The following IGFL2 variants were observed in gnomAD, a reference collection of about 807,000 sequenced individuals.
IGFL2 encodes the protein IGF like family member 2.
In IGFL2, 7 loss-of-function variants were observed where a neutral mutation model predicts 13.9. That is an observed-to-expected ratio of 0.51 (90% confidence interval 0.29 to 0.95). The LOEUF (loss-of-function observed/expected upper bound fraction) is 0.95, where lower values mean the gene tolerates loss of function less well. Ranked by LOEUF, IGFL2 falls within the 40% of genes least tolerant of loss-of-function variation. The pLI, the probability that IGFL2 is intolerant of heterozygous loss-of-function variation, is 0.08. For missense variants in IGFL2, 138 were observed against 147.8 expected (o/e 0.93, Z 0.34); for synonymous variants, 55 against 55.8 (o/e 0.99, Z 0.07).
At chr19:46,160,343 C>T in intron 1 of IGFL2, 72 bp from the exon 2 acceptor site, 20 of 1,407,156 alleles carry the variant, frequency 1.4e-5, no homozygotes, top group Non-Finnish European at 2.0e-5. Flanking sequence ...CCACCCTGGC[C>T]TGCCCTCCCT....
chr19:46,092,343 T>TG, the IGFL2 span, among the ~76,000 whole-genome samples: 7 of 152,002 alleles, frequency 4.6e-5, no homozygotes, highest in African/African-American at 1.7e-4. Flanking sequence ...AAAATTTTTT[T>TG]TTTTTGGCCA....
chr19:46,113,449 T>C, the IGFL2 span: 1 of 391,008 alleles, frequency 2.6e-6, no homozygotes, highest in Non-Finnish European at 5.2e-6. Flanking sequence ...TCCACGTAGA[T>C]ATCCAGGATT....
chr19:46,086,050 C>T, the IGFL2 span, among the ~76,000 whole-genome samples: 1 of 151,960 alleles, frequency 6.6e-6, no homozygotes, highest in South Asian at 2.1e-4. Flanking sequence ...CTTCAAAAGA[C>T]CCATCTTTAA....
chr19:46,176,929 A>G, the IGFL2 span, among the ~76,000 whole-genome samples: 1 of 152,200 alleles, frequency 6.6e-6, no homozygotes. Context: ...TCTATTGCCC[A>G]GTTGGGAGAA....
chr19:46,170,766 C>T, the IGFL2 span, among the ~76,000 whole-genome samples: 1 of 152,166 alleles, frequency 6.6e-6, no homozygotes, highest in African/African-American at 2.4e-5. Context: ...CTCTGGCCTC[C>T]TGCAGCACCC....
the IGFL2 span, among the ~76,000 whole-genome samples, chr19:46,211,185 A>G: frequency 2.0e-5 from 3 of 152,276 alleles, no homozygotes; most frequent in East Asian, 3.9e-4. Flanking sequence ...AGCCTCTCCT[A>G]TGACATGGAG....
chr19:46,193,810 A>G, the IGFL2 span, among the ~76,000 whole-genome samples: 2,562 of 152,258 alleles, frequency 0.017, 74 homozygotes, highest in African/African-American at 0.056. Context: ...TCCAGCAGAC[A>G]CCGCTCTCGG....
chr19:46,179,419 G>C, the IGFL2 span: 1 of 154,208 alleles, frequency 6.5e-6, no homozygotes, highest in African/African-American at 2.4e-5. Context: ...GTCTGTGAGA[G>C]GCAGGGGTTT....
chr19:46,180,180 CTTTTTT>C, the IGFL2 span, among the ~76,000 whole-genome samples: 1 of 141,218 alleles, frequency 7.1e-6, no homozygotes, highest in Non-Finnish European at 1.5e-5. Flanking sequence ...TGATATTTTT[CTTTTTT>C]TTTTTTTTCT....
At chr19:46,132,442 C>T in the IGFL2 span, among the ~76,000 whole-genome samples, 17 of 152,210 alleles carry the variant, frequency 1.1e-4, no homozygotes, top group Non-Finnish European at 2.1e-4. Context: ...TTTGGTTCCA[C>T]GTGCTGTCAG....
At chr19:46,190,885 CAGA>C in the IGFL2 span, among the ~76,000 whole-genome samples, 2 of 152,172 alleles carry the variant, frequency 1.3e-5, no homozygotes. Flanking sequence ...CCCTCGCCCT[CAGA>C]AGAAGGGTTG....
chr19:46,187,291 A>G, the IGFL2 span, among the ~76,000 whole-genome samples: 19 of 129,814 alleles, frequency 1.5e-4, no homozygotes, highest in African/African-American at 5.4e-4. Flanking sequence ...GCATTTACCC[A>G]TTTATACCTG....
At chr19:46,079,405 C>G in the IGFL2 span, among the ~76,000 whole-genome samples, 2 of 152,200 alleles carry the variant, frequency 1.3e-5, no homozygotes, top group African/African-American at 4.8e-5. Context: ...CTCAGCGAGT[C>G]GTGCGTACCA....
chr19:46,096,289 A>G, the IGFL2 span, among the ~76,000 whole-genome samples: 3 of 152,008 alleles, frequency 2.0e-5, no homozygotes, highest in African/African-American at 7.2e-5. Context: ...GCAATTGTGA[A>G]TGGGAGTTCA....
the IGFL2 span, chr19:46,212,737 C>CTCTCTCTCTCTCTCT: frequency 6.8e-6 from 1 of 147,710 alleles, no homozygotes; most frequent in African/African-American, 2.5e-5. Flanking sequence ...CTCTCTCTCT[C>CTCTCTCTCTCTCTCT]CTCTCACTGT....
chr19:46,153,839 A>ATT (rs1555744721), intron 1 of IGFL2, among the ~76,000 whole-genome samples: 2,003 of 139,290 alleles, frequency 0.014, 26 homozygotes, highest in African/African-American at 0.023. Context: ...ATATATATAT[A>ATT]TTTTTTTTAC....
At chr19:46,166,594 T>C in the IGFL2 span, among the ~76,000 whole-genome samples, 1 of 152,196 alleles carries the variant, frequency 6.6e-6, no homozygotes, top group Non-Finnish European at 1.5e-5. Flanking sequence ...GGGAATTTCC[T>C]CTTCCTAATA....
chr19:46,122,236 G>C, the IGFL2 span, among the ~76,000 whole-genome samples: 1 of 151,002 alleles, frequency 6.6e-6, no homozygotes, highest in Non-Finnish European at 1.5e-5. Context: ...AGATCAGGCA[G>C]GCTATATATA....
chr19:46,160,440 C>G lies in IGFL2; in HGVS notation c.45C>G (p.Leu15=), dbSNP rs373029871. ...CTCCTGCTTATGTGTCAGTCTGTCT[C>G]CTCCTCTTGTGTCCAAGGGAAGTCA... The part of the protein sequence containing the change: ...IFAPAYVSVC[L]LLLCPREVIA... Residue 15 remains leucine, a synonymous_variant, in exon 2 of 4, where the codon CTC becomes CTG. Coordinates refer to ENST00000377693, the MANE Select transcript of IGFL2 (RefSeq NM_001135113.2). 1 of 1,613,790 alleles carries G rather than the reference C, an allele frequency of 6.2e-7. No homozygotes were observed. Among genetic ancestry groups the G allele is most frequent in the African/African-American group, 1.3e-5 (1 of 75,050 alleles).
Sources: gnomAD v4.1 joint callset for allele counts (sites outside exome capture counted in the v4.1 genomes callset) on GRCh38, gnomAD v4.1.1 for gene constraint, MANE v1.5 for transcripts, NCBI Gene and HGNC (gene_info 2026-07-23, HGNC 2026-07-21) for gene names.